Variants in PTPRN2 observed in about 807,000 individuals in gnomAD.
The protein encoded by PTPRN2 is receptor-type tyrosine-protein phosphatase N2.
Under a neutral mutation model 118.8 loss-of-function variants are expected in PTPRN2, and 74 were observed. The ratio of observed to expected loss-of-function variants is 0.62; its 90% CI spans 0.52 to 0.76. The LOEUF (loss-of-function observed/expected upper bound fraction) is 0.76, where lower values mean the gene tolerates loss of function less well. Among genes scored for constraint, PTPRN2 ranks in the 30% least tolerant of loss-of-function variants. The pLI, the probability that PTPRN2 is intolerant of heterozygous loss-of-function variation, is 0.00. For synonymous variants in PTPRN2, 641 were observed against 608.0 expected (o/e 1.05, Z -0.80); for missense variants, 1,481 against 1,394.4 (o/e 1.06, Z -0.99).
At chr7:158,337,107 T>A (rs112101399) in intron 2 of PTPRN2, among the ~76,000 whole-genome samples, 1,106 of 59,262 alleles carry the variant, frequency 0.019, no homozygotes, top group South Asian at 0.05. Flanking sequence ...ACTCTCACCA[T>A]AAGAGCTGAG....
intron 11 of PTPRN2, among the ~76,000 whole-genome samples, chr7:157,927,690 C>T (rs12671844): frequency 0.32 from 47,712 of 150,668 alleles, 7,990 homozygotes; most frequent in Non-Finnish European, 0.39. Context: ...TCAGTGCACA[C>T]GGGCATGTGT....
chr7:158,326,534 T>C (rs945548393), intron 2 of PTPRN2, among the ~76,000 whole-genome samples: 3 of 152,220 alleles, frequency 2.0e-5, no homozygotes, highest in Non-Finnish European at 4.4e-5. Context: ...CATGCACATA[T>C]GCAGACACAC....
chr7:157,802,885 A>T (rs75240085), intron 12 of PTPRN2, among the ~76,000 whole-genome samples: 1 of 152,066 alleles, frequency 6.6e-6, no homozygotes, highest in Non-Finnish European at 1.5e-5. Flanking sequence ...AATGTCTACT[A>T]AAGTCCTTTG....
chr7:158,034,843 G>A (rs1807983889), intron 11 of PTPRN2, among the ~76,000 whole-genome samples: 1 of 152,218 alleles, frequency 6.6e-6, no homozygotes, highest in Non-Finnish European at 1.5e-5. Context: ...CAGTAGCAGA[G>A]GCTTCAGCTG....
At position 157,794,611 on chromosome 7, in the gene PTPRN2, G is replaced by A. The variant is rs1804750566; in HGVS notation, c.1788+104062C>T. 6.6e-6 allele frequency among the ~76,000 whole-genome samples: 1 copy of A among 152,164 alleles called. No homozygotes were observed. The highest frequency in any genetic ancestry group is 2.4e-5 in the African/African-American group (1 of 41,422). On this transcript the variant is annotated intron_variant, in intron 12 of 22. Transcript: ENST00000389418. This position sits in a 1 kb window ranked among gnomAD's most constrained non-coding sequence, Gnocchi z 5.2. ...GATTTCATTTCTTCATCGCCTCTGT[G>A]AACACCCACTAAAACCGTAAGTGGG...
At chr7:158,344,677 G>A (rs949405110) in intron 2 of PTPRN2, among the ~76,000 whole-genome samples, 6 of 152,072 alleles carry the variant, frequency 3.9e-5, no homozygotes, top group Admixed American at 6.5e-5. Context: ...GTGAGGCTGT[G>A]TTGCTGGAGG....
intron 2 of PTPRN2, among the ~76,000 whole-genome samples, chr7:158,474,421 T>C (rs187035290): frequency 6.6e-6 from 1 of 152,352 alleles, no homozygotes; most frequent in East Asian, 1.9e-4. Flanking sequence ...AACAATTCCT[T>C]ATCCTCTCAA....
At chr7:158,130,280 A>C (rs1399392021) in intron 9 of PTPRN2, among the ~76,000 whole-genome samples, 1 of 152,198 alleles carries the variant, frequency 6.6e-6, no homozygotes, top group Admixed American at 6.5e-5. Context: ...ATGATCCTCA[A>C]AATAAGAGGT....
intron 2 of PTPRN2, among the ~76,000 whole-genome samples, chr7:158,469,463 C>T (rs1439889469): frequency 1.3e-5 from 2 of 152,178 alleles, no homozygotes; most frequent in Non-Finnish European, 2.9e-5. Context: ...ACAACAACAA[C>T]AACACTAGTC....
chr7:157,819,977 C>T (rs115522612), intron 12 of PTPRN2, among the ~76,000 whole-genome samples: 3,168 of 151,722 alleles, frequency 0.021, 110 homozygotes, highest in African/African-American at 0.072. Flanking sequence ...CACGTTCACA[C>T]GCACAACACA....
In PTPRN2 at chr7:158,273,587, C is replaced by A. The variant is rs1798689347; in HGVS notation, c.277+43232G>T. On this transcript the variant is annotated intron_variant, in intron 3 of 22. Transcript: ENST00000389418. The stretch of plus-strand genomic sequence containing the variant: ...CCGCAGGCACAGGGGGAGCCGCAGA[C>A]AGACATGGGAGGAGCCGCAGACACG... Among the ~76,000 whole-genome samples the A allele has an allele frequency of 2.1e-5, 2 of 95,506 alleles. 1 individual carries two copies. Among genetic ancestry groups the A allele is most frequent in the African/African-American group, 1.0e-4 (2 of 19,598 alleles). 62.7% of individuals were successfully genotyped at this position (95,506 alleles called of 152,430 possible).
At chr7:158,104,043 A>G (rs952733939) in intron 10 of PTPRN2, among the ~76,000 whole-genome samples, 3 of 151,738 alleles carry the variant, frequency 2.0e-5, no homozygotes, top group African/African-American at 7.3e-5. Flanking sequence ...TGTATTTTTA[A>G]GTAGAGATGG....
chr7:157,748,354 G>A (rs1359540094), intron 12 of PTPRN2, among the ~76,000 whole-genome samples: 1 of 150,412 alleles, frequency 6.6e-6, no homozygotes, highest in African/African-American at 2.5e-5. Context: ...TCTGAGGCCT[G>A]CGTCCCTGAG....
intron 3 of PTPRN2, among the ~76,000 whole-genome samples, chr7:158,279,665 C>A (rs11980317): frequency 1.3e-5 from 2 of 151,976 alleles, no homozygotes; most frequent in Non-Finnish European, 2.9e-5. Flanking sequence ...CCGGAACCTG[C>A]GCCGGCCCAC....
At chr7:158,111,566 C>T (rs542806103) in intron 9 of PTPRN2, among the ~76,000 whole-genome samples, 3 of 152,228 alleles carry the variant, frequency 2.0e-5, no homozygotes, top group African/African-American at 7.2e-5. Flanking sequence ...CCTGTTAGTA[C>T]CACTTTAATG....
intron 2 of PTPRN2, among the ~76,000 whole-genome samples, chr7:158,333,262 G>A (rs1157682198): frequency 8.1e-6 from 1 of 123,002 alleles, no homozygotes; most frequent in African/African-American, 3.6e-5. Flanking sequence ...GTCGCCCGCA[G>A]GAGTCACTCA....
rs1799770613 is a variant in PTPRN2, at chr7:157,729,409, C to A, written c.1789-46472G>T. Among the ~76,000 whole-genome samples, 1 of 152,124 alleles carries A rather than the reference C, an allele frequency of 6.6e-6. No homozygotes were observed. Among genetic ancestry groups the A allele is most frequent in the African/African-American group, 2.4e-5 (1 of 41,426 alleles). On this transcript the variant is annotated intron_variant, in intron 12 of 22. Transcript: ENST00000389418. This position sits in a 1 kb window ranked among gnomAD's most constrained non-coding sequence, Gnocchi z 4.3. ...GGACCCCCCACTCTGCTCCCGTGGA[C>A]AGCTCCATCTTCAGCAGCTCCGTGC...
intron 1 of PTPRN2, among the ~76,000 whole-genome samples, chr7:158,534,959 G>A (rs545609990): frequency 6.6e-6 from 1 of 152,294 alleles, no homozygotes; most frequent in South Asian, 2.1e-4. Flanking sequence ...GCGTTTCAGT[G>A]TTCCCCAGAA....
chr7:158,060,131 CGGTG>C (rs1563374249), intron 11 of PTPRN2, among the ~76,000 whole-genome samples: 3 of 103,838 alleles, frequency 2.9e-5, no homozygotes, highest in East Asian at 2.6e-4. Flanking sequence ...CATCTGCACA[CGGTG>C]ACACATCACT....
Sources: gnomAD v4.1 joint callset for allele counts (sites outside exome capture counted in the v4.1 genomes callset) on GRCh38, gnomAD v4.1.1 for gene constraint, Gnocchi (gnomAD v3.1) non-coding constraint, MANE v1.5 for transcripts, NCBI Gene and HGNC (gene_info 2026-07-23, HGNC 2026-07-21) for gene names.